Variants in CAND2 observed in about 807,000 individuals in gnomAD.
CAND2 encodes the protein cullin-associated NEDD8-dissociated protein 2.
CAND2 carries 62 observed loss-of-function variants against 98.9 expected under a neutral mutation model. That is an observed-to-expected ratio of 0.63 (90% CI 0.51 to 0.77). The LOEUF (loss-of-function observed/expected upper bound fraction) is 0.77. CAND2 is among the 30% of genes least tolerant of loss of function. The pLI, the probability that CAND2 is intolerant of heterozygous loss-of-function variation, is 0.00. For synonymous variants in CAND2, 770 were observed against 731.9 expected (o/e 1.05, Z -0.84); for missense variants, 1,501 against 1,655.2 (o/e 0.91, Z 1.62).
Position 12,831,459 on chromosome 3 carries a change from G to A in CAND2, c.3376-6G>A. On this transcript the variant is annotated splice_region_variant and splice_polypyrimidine_tract_variant and intron_variant, in intron 13 of 14. Transcript: ENST00000456430. ...TCACTAAGAACCATCTCCTTCCTCT[G>A]GGCAGATGCTGACCTTCATCATGGT... 3 of 1,611,782 alleles carry A rather than the reference G, an allele frequency of 1.9e-6. No individual in the cohort carries two copies. In the South Asian group the frequency reaches 3.3e-5, roughly 18 times the overall value.
intron 2 of CAND2, 91 bp from the exon 3 acceptor site, chr3:12,807,215 G>C: frequency 8.1e-7 from 1 of 1,238,770 alleles, no homozygotes; most frequent in Non-Finnish European, 1.1e-6. Context: ...CTCAGCACGT[G>C]TGGCCGCAGG....
chr3:12,824,822 C>T (rs573569121), intron 11 of CAND2, among the ~76,000 whole-genome samples: 1 of 152,246 alleles, frequency 6.6e-6, no homozygotes, highest in Non-Finnish European at 1.5e-5. Flanking sequence ...GCAGGAGAAT[C>T]GCTTGAACCT....
chr3:12,807,183 C>G, intron 2 of CAND2, 123 bp from the exon 3 acceptor site: 1 of 852,874 alleles, frequency 1.2e-6, no homozygotes, highest in Non-Finnish European at 1.8e-6. Flanking sequence ...CAGGGGCTCC[C>G]CTGATGATCT....
At chr3:12,824,823 G>A (rs1432755878) in intron 11 of CAND2, among the ~76,000 whole-genome samples, 7 of 152,108 alleles carry the variant, frequency 4.6e-5, no homozygotes, top group African/African-American at 1.4e-4. Context: ...CAGGAGAATC[G>A]CTTGAACCTG....
intron 7 of CAND2, 69 bp downstream of exon 7, chr3:12,813,457 CAA>C: frequency 6.5e-7 from 1 of 1,527,166 alleles, no homozygotes; most frequent in Non-Finnish European, 8.9e-7. Flanking sequence ...ATCCCCCAAC[CAA>C]AGACAGCGGT....
rs184199184 is a variant in CAND2, at chr3:12,802,654, G to C, written c.69-834G>C. Among the ~76,000 whole-genome samples, 4 of 152,332 alleles carry C rather than the reference G, an allele frequency of 2.6e-5. No individual in the cohort carries two copies. In the East Asian group the frequency reaches 7.7e-4, roughly 29 times the overall value. ...GTGGCAGTTGGTGTCACACATATGTGGGTCTCCTTGTAGCCCAACCATGCC... is the reference window on the plus strand; with the variant it reads ...GTGGCAGTTGGTGTCACACATATGTCGGTCTCCTTGTAGCCCAACCATGCC... On this transcript the variant is annotated intron_variant, in intron 1 of 14. Coordinates refer to ENST00000456430, the MANE Select transcript of CAND2 (RefSeq NM_001162499.2).
chr3:12,796,850 C>T, intron 1 of CAND2, 62 bp downstream of exon 1: 1 of 1,373,176 alleles, frequency 7.3e-7, no homozygotes, highest in Non-Finnish European at 1.0e-6. Flanking sequence ...CCTTCTTCCC[C>T]TCTCGAAGCG....
intron 1 of CAND2, among the ~76,000 whole-genome samples, chr3:12,802,508 G>T (rs751798731): frequency 6.6e-6 from 1 of 152,156 alleles, no homozygotes; most frequent in Non-Finnish European, 1.5e-5. Context: ...GTAAACTAAG[G>T]CTTGGAGAGG....
Position 12,796,777 on chromosome 3 carries a change from C to G in CAND2, c.57C>G (p.Asp19Glu). ...SSLLEKMTSS[D>E]KDFRFMATSD... ...TCCTGGAGAAGATGACGTCCAGCGA[C>G]AAGGACTTCAGGTGCAGCCCGCCGC... Residue 19 changes from aspartate to glutamate, a missense_variant, in exon 1 of 15, where the codon GAC becomes GAG. Physicochemically the swap from Asp to Glu is conservative, Grantham distance 45 (BLOSUM62 2). Coordinates refer to ENST00000456430, the MANE Select transcript of CAND2 (RefSeq NM_001162499.2). The G allele has an allele frequency of 6.3e-7, 1 of 1,587,656 alleles. No homozygotes were observed. The highest frequency in any genetic ancestry group is 8.6e-7 in the Non-Finnish European group (1 of 1,166,424).
chr3:12,826,862 G>A (rs564876516), intron 12 of CAND2, among the ~76,000 whole-genome samples: 1 of 138,240 alleles, frequency 7.2e-6, no homozygotes, highest in African/African-American at 2.8e-5. Flanking sequence ...ATGGAGTCTC[G>A]CTCTGTCACC....
Position 12,816,386 on chromosome 3 carries a change from C to T in CAND2, c.1454C>T (p.Ser485Leu), listed in dbSNP as rs750427532. ...ATTCACCCTGCAGGCATCATCTTCTCGCTGGCCGACCGCTCCAGCTCCTCC... is the reference window on the plus strand; with the variant it reads ...ATTCACCCTGCAGGCATCATCTTCTTGCTGGCCGACCGCTCCAGCTCCTCC... ...MPVLVSGIIF[S>L]LADRSSSSTI... The change falls in exon 10 of 15, where the codon TCG becomes TTG. Residue 485 changes from serine (S) to leucine (L), a missense_variant. Around this residue, in one of 3 missense-constraint regions of CAND2, gnomAD observed 1,427 missense variants for 1,545.3 expected, o/e 0.92. Coordinates refer to ENST00000456430, the MANE Select transcript of CAND2 (RefSeq NM_001162499.2). 14 of 1,610,906 alleles carry T rather than the reference C, an allele frequency of 8.7e-6. No homozygotes were observed. The highest frequency in any genetic ancestry group is 1.3e-5 in the African/African-American group (1 of 74,914).
intron 11 of CAND2, among the ~76,000 whole-genome samples, chr3:12,820,723 G>A (rs927407395): frequency 1.3e-5 from 2 of 152,232 alleles, no homozygotes; most frequent in African/African-American, 4.8e-5. Flanking sequence ...GGCTCGGCAG[G>A]ACCACTGGGT....
At chr3:12,796,944 C>T (rs1455274357) in intron 1 of CAND2, among the ~76,000 whole-genome samples, 156 bp downstream of exon 1, 1 of 151,774 alleles carries the variant, frequency 6.6e-6, no homozygotes, top group Non-Finnish European at 1.5e-5. Flanking sequence ...CACAGGCCCA[C>T]TCCTGCCTCG....
intron 1 of CAND2, among the ~76,000 whole-genome samples, chr3:12,802,220 G>A (rs1412947562): frequency 1.3e-5 from 2 of 152,178 alleles, no homozygotes; most frequent in Non-Finnish European, 2.9e-5. Flanking sequence ...CCAGCTACTC[G>A]GGAGGCTGAG....
At chr3:12,819,990 C>T (rs890714542) in intron 10 of CAND2, 96 bp from the exon 11 acceptor site, 2 of 948,180 alleles carry the variant, frequency 2.1e-6, no homozygotes, top group Non-Finnish European at 3.4e-6. Context: ...TTCTGTTTTC[C>T]AGGGAAGCAG....
chr3:12,808,950 A>G (rs1370227908), intron 4 of CAND2, among the ~76,000 whole-genome samples: 1 of 152,142 alleles, frequency 6.6e-6, no homozygotes, highest in African/African-American at 2.4e-5. Flanking sequence ...AGGGCTGGCC[A>G]GGAGCCATGG....
chr3:12,802,016 A>G (rs1465710762), intron 1 of CAND2, among the ~76,000 whole-genome samples: 2 of 152,290 alleles, frequency 1.3e-5, no homozygotes, highest in East Asian at 3.9e-4. Context: ...CTTGGACACA[A>G]GGTGTCTGTT....
chr3:12,804,460 A>G (rs1457146920), intron 2 of CAND2, among the ~76,000 whole-genome samples: 2 of 152,064 alleles, frequency 1.3e-5, no homozygotes, highest in Non-Finnish European at 2.9e-5. Context: ...CAAAAATTCC[A>G]TCTCAAAAAC....
chr3:12,833,923 G>A lies in CAND2; in HGVS notation c.3652G>A (p.Glu1218Lys). ...CAACCCTGAACTTGCTGCCCTCTTTGAAAGCATCCAGAAGGATTCCGCTTC... is the reference window on the plus strand; with the variant it reads ...CAACCCTGAACTTGCTGCCCTCTTTAAAAGCATCCAGAAGGATTCCGCTTC... ...RSNPELAALF[E>K]SIQKDSASAP... The change falls in exon 15 of 15, where the codon GAA becomes AAA. Residue 1218 changes from glutamate (E) to lysine (K), a missense_variant. Around this residue, in one of 3 missense-constraint regions of CAND2, gnomAD observed 1,427 missense variants for 1,545.3 expected, o/e 0.92. Coordinates refer to ENST00000456430, the MANE Select transcript of CAND2 (RefSeq NM_001162499.2). 6.2e-7 allele frequency: 1 copy of A among 1,614,196 alleles called. No homozygotes were observed. Among genetic ancestry groups the A allele is most frequent in the African/African-American group, 1.3e-5 (1 of 75,036 alleles).
Sources: gnomAD v4.1 joint callset for allele counts (sites outside exome capture counted in the v4.1 genomes callset) on GRCh38, gnomAD v4.1.1 for gene constraint, gnomAD v4.1.1 regional missense constraint, MANE v1.5 for transcripts, NCBI Gene and HGNC (gene_info 2026-07-23, HGNC 2026-07-21) for gene names.